Variants in CD226 observed in about 807,000 individuals in gnomAD.
The protein encoded by CD226 is CD226 molecule, also known as CD226 antigen.
A neutral mutation model predicts 34.9 loss-of-function variants in CD226; 24 were observed. The observed-to-expected ratio is 0.69, with a 90% confidence interval of 0.50 to 0.97. The LOEUF is 0.97. CD226 is among the 50% of genes least tolerant of loss of function. The pLI is 0.00. For missense variants in CD226, 397 were observed against 412.7 expected (o/e 0.96, Z 0.33); for synonymous variants, 148 against 147.4 (o/e 1.00, Z -0.03).
chr18:69,863,340 C>A lies in CD226; in HGVS notation c.*974G>T, dbSNP rs1207039537. On this transcript the variant is annotated 3_prime_UTR_variant, in exon 6 of 6. Transcript: ENST00000582621. Reference sequence around the variant, plus strand: ...ATTAAAAATAATTCTCAAAAGTAGACAAAATATGTCCAAAACATTAAGTTA... The same window carrying A: ...ATTAAAAATAATTCTCAAAAGTAGAAAAAATATGTCCAAAACATTAAGTTA... 6.6e-6 allele frequency: 1 copy of A among 152,106 alleles called. No individual in the cohort carries two copies. Among genetic ancestry groups the A allele is most frequent in the Non-Finnish European group, 1.5e-5 (1 of 68,008 alleles). 9.4% of individuals were successfully genotyped at this position (152,106 alleles called of 1,614,324 possible).
At chr18:69,923,680 G>A (rs188850825) in intron 2 of CD226, among the ~76,000 whole-genome samples, 1,883 of 152,240 alleles carry the variant, frequency 0.012, 24 homozygotes, top group South Asian at 0.037. Context: ...CAGGCCGGGC[G>A]CGGTGGCTCA....
chr18:69,889,750 C>G (rs1202810536), intron 3 of CD226, among the ~76,000 whole-genome samples: 1 of 152,142 alleles, frequency 6.6e-6, no homozygotes, highest in African/African-American at 2.4e-5. Context: ...TTATAACTTA[C>G]AGCACTCTAT....
chr18:69,896,867 T>A (rs1448962112), intron 2 of CD226, among the ~76,000 whole-genome samples: 1 of 152,158 alleles, frequency 6.6e-6, no homozygotes, highest in African/African-American at 2.4e-5. Context: ...ATGGGTAGAG[T>A]AGGGCCCCAC....
At chr18:69,939,084 T>C (rs528341063) in intron 2 of CD226, among the ~76,000 whole-genome samples, 55 of 152,208 alleles carry the variant, frequency 3.6e-4, no homozygotes, top group African/African-American at 1.3e-3. Context: ...AGACTCTGTC[T>C]CAAAAAAGGA....
At chr18:69,893,467 C>A (rs1031000403) in intron 3 of CD226, among the ~76,000 whole-genome samples, 3 of 152,148 alleles carry the variant, frequency 2.0e-5, no homozygotes, top group Non-Finnish European at 4.4e-5. Context: ...AAGATGTTTA[C>A]AATTACTTTT....
chr18:69,905,554 C>A (rs575652129), intron 2 of CD226, among the ~76,000 whole-genome samples: 1 of 152,100 alleles, frequency 6.6e-6, no homozygotes, highest in Non-Finnish European at 1.5e-5. Flanking sequence ...AGTGGAAGTG[C>A]GGGATTGGTG....
At chr18:69,931,268 A>C (rs1391599131) in intron 2 of CD226, among the ~76,000 whole-genome samples, 2 of 152,088 alleles carry the variant, frequency 1.3e-5, no homozygotes, top group Non-Finnish European at 2.9e-5. Flanking sequence ...GCATTAGGAG[A>C]TATACCTAAT....
At chr18:69,880,935 G>A (rs984069850) in intron 3 of CD226, among the ~76,000 whole-genome samples, 5 of 152,184 alleles carry the variant, frequency 3.3e-5, no homozygotes, top group Non-Finnish European at 7.3e-5. Flanking sequence ...ACAGGCGTGA[G>A]CCACAGCACC....
At chr18:69,920,187 T>G (rs890942494) in intron 2 of CD226, among the ~76,000 whole-genome samples, 4 of 152,164 alleles carry the variant, frequency 2.6e-5, no homozygotes, top group Non-Finnish European at 5.9e-5. Context: ...CTACACAGGC[T>G]CAAACCCAAA....
intron 3 of CD226, among the ~76,000 whole-genome samples, chr18:69,886,680 TG>T (rs1984575275): frequency 6.6e-6 from 1 of 151,808 alleles, no homozygotes; most frequent in African/African-American, 2.4e-5. Flanking sequence ...CACTCCAGCC[TG>T]GGCAACAGAG....
chr18:69,878,262 G>A (rs4094864), intron 3 of CD226, among the ~76,000 whole-genome samples: 59,063 of 147,618 alleles, frequency 0.4, 13,848 homozygotes, highest in East Asian at 0.66. Context: ...CATAGGAGGA[G>A]AAGTGTCTTG....
At chr18:69,960,887 T>C (rs1362675582), upstream of CD226, among the ~76,000 whole-genome samples, 1 of 152,242 alleles carries the variant, frequency 6.6e-6, no homozygotes, top group Non-Finnish European at 1.5e-5. Context: ...CTCAATTCAA[T>C]TTTGAAATAA....
chr18:69,896,338 C>T (rs1401472379), intron 2 of CD226, among the ~76,000 whole-genome samples: 3 of 152,084 alleles, frequency 2.0e-5, no homozygotes, highest in South Asian at 2.1e-4. Flanking sequence ...CCCGCCACCG[C>T]GCCCGGCTAA....
chr18:69,900,907 A>T (rs1331406148), intron 2 of CD226, among the ~76,000 whole-genome samples: 1 of 152,214 alleles, frequency 6.6e-6, no homozygotes, highest in African/African-American at 2.4e-5. Flanking sequence ...TATTTAAAAT[A>T]GTATTAGTCA....
At chr18:69,913,165 C>A (rs2055346034) in intron 2 of CD226, among the ~76,000 whole-genome samples, 2 of 152,152 alleles carry the variant, frequency 1.3e-5, no homozygotes, top group Non-Finnish European at 2.9e-5. Context: ...GCAACCACAG[C>A]CATCTTCCCC....
chr18:69,869,782 G>C (rs961106492), intron 4 of CD226, among the ~76,000 whole-genome samples: 2 of 150,728 alleles, frequency 1.3e-5, no homozygotes, highest in Non-Finnish European at 3.0e-5. Context: ...CCCAGGATGA[G>C]AGATTTTCTT....
upstream of CD226, among the ~76,000 whole-genome samples, chr18:69,958,787 A>AC: frequency 1.2e-4 from 8 of 65,940 alleles, no homozygotes; most frequent in African/African-American, 3.0e-4. Context: ...GTTCACAGGC[A>AC]AACACACACA....
intron 3 of CD226, among the ~76,000 whole-genome samples, chr18:69,892,535 T>G (rs1984966418): frequency 6.6e-6 from 1 of 152,322 alleles, no homozygotes; most frequent in East Asian, 1.9e-4. Context: ...AGGACATAAG[T>G]GCAAAGGACA....
Position 69,857,562 on chromosome 18 carries a change from T to C in CD226, c.*6752A>G, listed in dbSNP as rs779048865. On this transcript the variant is annotated 3_prime_UTR_variant, in exon 6 of 6. Coordinates refer to ENST00000582621, the MANE Select transcript of CD226 (RefSeq NM_001303618.2). Reference sequence around the variant, plus strand: ...TAAGGATATATCTTAAGAATGCATTTTCATAAAAACATAAAATCAGTTGAG... The same window carrying C: ...TAAGGATATATCTTAAGAATGCATTCTCATAAAAACATAAAATCAGTTGAG... The C allele has an allele frequency of 4.6e-5, 7 of 152,262 alleles. No individual in the cohort carries two copies. The highest frequency in any genetic ancestry group is 1.3e-4 in the Admixed American group (2 of 15,290). The allele number at this position is 152,262 out of a possible 1,614,324, so 9.4% of individuals were successfully genotyped here. A position where few individuals can be genotyped will look rare whatever the true frequency, so the allele number is the denominator to read the frequency against.
Sources: allele counts gnomAD v4.1 joint callset (sites outside exome capture counted in the v4.1 genomes callset), GRCh38; gene constraint gnomAD v4.1.1; transcripts MANE v1.5; gene names NCBI Gene and HGNC (gene_info 2026-07-23, HGNC 2026-07-21).